The following NEBL variants were observed in gnomAD, a reference collection of about 807,000 sequenced individuals.
NEBL encodes the protein LIM and SH3 protein 2.
In NEBL, 122 loss-of-function variants were observed where a neutral mutation model predicts 140.2. The observed-to-expected ratio is 0.87, with a 90% CI of 0.75 to 1.01. The LOEUF is 1.01. NEBL is among the 50% of genes least tolerant of loss of function. The pLI is 0.00. For synonymous variants in NEBL, 436 were observed against 398.9 expected (o/e 1.09, Z -1.11); for missense variants, 1,365 against 1,231.3 (o/e 1.11, Z -1.62).
At chr10:21,152,369 C>A (rs1840176597) in intron 2 of NEBL, among the ~76,000 whole-genome samples, 1 of 152,202 alleles carries the variant, frequency 6.6e-6, no homozygotes, top group African/African-American at 2.4e-5. Context: ...CTCCCCACCT[C>A]CATTTCCCAA....
chr10:20,907,366 T>C (rs1848136135), intron 4 of NEBL, among the ~76,000 whole-genome samples: 1 of 152,150 alleles, frequency 6.6e-6, no homozygotes, highest in Non-Finnish European at 1.5e-5. Context: ...CAAAATGCTA[T>C]CTTGTTTCAT....
chr10:20,805,233 G>A (rs1837498670), intron 26 of NEBL, among the ~76,000 whole-genome samples: 1 of 152,196 alleles, frequency 6.6e-6, no homozygotes, highest in Admixed American at 6.5e-5. Context: ...GGGGGAAGCA[G>A]AGAGGTGGTA....
chr10:20,889,656 A>G (rs985296057), intron 3 of NEBL, among the ~76,000 whole-genome samples, 189 bp downstream of exon 3: 3 of 152,218 alleles, frequency 2.0e-5, no homozygotes, highest in African/African-American at 7.2e-5. Context: ...TATGAAGCAT[A>G]CATAGTAAAA....
At chr10:21,043,077 T>C (rs1834342269) in intron 2 of NEBL, among the ~76,000 whole-genome samples, 1 of 152,234 alleles carries the variant, frequency 6.6e-6, no homozygotes, top group African/African-American at 2.4e-5. Context: ...AACCTACTTA[T>C]ACAGCTCTTC....
At chr10:20,852,402 A>G in intron 10 of NEBL, 143 bp downstream of exon 10, 1 of 693,248 alleles carries the variant, frequency 1.4e-6, no homozygotes, top group Admixed American at 2.1e-5. Context: ...TGAGATTTTC[A>G]AAAGTAATGT....
chr10:21,106,415 T>C (rs1837719365), intron 2 of NEBL, among the ~76,000 whole-genome samples: 1 of 152,134 alleles, frequency 6.6e-6, no homozygotes, highest in Non-Finnish European at 1.5e-5. Context: ...GCTAGCCAGT[T>C]TTCCCAGCAG....
At chr10:20,959,946 A>G (rs1484349186) in intron 4 of NEBL, among the ~76,000 whole-genome samples, 1 of 152,060 alleles carries the variant, frequency 6.6e-6, no homozygotes, top group Non-Finnish European at 1.5e-5. Context: ...GGTATTTTGC[A>G]TAATTAAGAA....
intron 17 of NEBL, among the ~76,000 whole-genome samples, 196 bp downstream of exon 17, chr10:20,828,334 A>T (rs944667310): frequency 6.6e-6 from 1 of 152,108 alleles, no homozygotes; most frequent in Non-Finnish European, 1.5e-5. Flanking sequence ...TTGAATTTGT[A>T]ATTCCAAAAA....
chr10:21,029,276 C>T (rs1833677044), intron 2 of NEBL: 7 of 1,598,108 alleles, frequency 4.4e-6, no homozygotes, highest in Non-Finnish European at 8.6e-7. Context: ...CTTCCCAAAT[C>T]GCCACCCTAC....
intron 3 of NEBL, among the ~76,000 whole-genome samples, chr10:21,198,916 G>T (rs758422129): frequency 2.0e-5 from 3 of 151,820 alleles, no homozygotes; most frequent in Non-Finnish European, 2.9e-5. Flanking sequence ...CCATCAAACT[G>T]GTACCCAATT....
chr10:21,239,015 C>A (rs1159126340), intron 3 of NEBL, among the ~76,000 whole-genome samples: 1 of 152,120 alleles, frequency 6.6e-6, no homozygotes, highest in East Asian at 1.9e-4. Context: ...GAATGCCAGG[C>A]CTGAAACTCT....
At chr10:20,971,355 CAT>C (rs1232114447) in intron 3 of NEBL, among the ~76,000 whole-genome samples, 2 of 152,044 alleles carry the variant, frequency 1.3e-5, no homozygotes, top group African/African-American at 2.4e-5. Flanking sequence ...CTTCTGAACA[CAT>C]GTTCTCTTAA....
intron 2 of NEBL, among the ~76,000 whole-genome samples, chr10:21,040,252 G>A (rs951770466): frequency 1.3e-5 from 2 of 152,118 alleles, no homozygotes; most frequent in African/African-American, 2.4e-5. Context: ...TGTAATCCCA[G>A]CTACTTGGGA....
rs571419806 is a variant in NEBL at position 20,825,852 on chromosome 10, T to G, written c.1869+595A>C. Among the ~76,000 whole-genome samples the G allele has an allele frequency of 1.9e-4, 29 of 152,270 alleles. No individual in the cohort carries two copies. In the East Asian group the frequency reaches 5.2e-3, roughly 27 times the overall value. On this transcript the variant is annotated intron_variant, in intron 18 of 27. Coordinates refer to ENST00000377122, the MANE Select transcript of NEBL (RefSeq NM_006393.3). ...CCCCTCCCCCCAGTCTAAAGGTTAC[T>G]GGAAGCTAAGTTATTTCACAATTTA...
chr10:20,886,553 A>C (rs1846537655), intron 4 of NEBL, among the ~76,000 whole-genome samples: 1 of 152,144 alleles, frequency 6.6e-6, no homozygotes, highest in Admixed American at 6.5e-5. Flanking sequence ...TGGGGAAAGA[A>C]GTAAACTGCT....
chr10:21,007,898 T>A (rs1339147937), intron 3 of NEBL, among the ~76,000 whole-genome samples: 1 of 152,230 alleles, frequency 6.6e-6, no homozygotes, highest in African/African-American at 2.4e-5. Flanking sequence ...ATTCGCTATT[T>A]CTTAAAACAT....
rs189213209 is a variant in NEBL, at chr10:21,012,281, A to G, written c.249+7836T>C. ...CTCTGTTTCTCTCTCTGGGGCCACA[A>G]GTGTGAAGCAGGATGGCAGAGCATG... On this transcript the variant is annotated intron_variant, in intron 3 of 6. Coordinates refer to the NEBL transcript ENST00000417816. 8.8e-4 allele frequency among the ~76,000 whole-genome samples: 134 copies of G among 152,228 alleles called. 1 individual carries two copies. Among genetic ancestry groups the G allele is most frequent in the Middle Eastern group, 3.4e-3 (1 of 294 alleles).
In NEBL at chr10:20,892,409, T is replaced by C. The variant is rs1156571520; in HGVS notation, c.154-2460A>G. Among the ~76,000 whole-genome samples, 6 of 152,152 alleles carry C rather than the reference T, an allele frequency of 3.9e-5. No homozygotes were observed. The East Asian group carries it at 9.6e-4, about 24-fold the overall frequency. On this transcript the variant is annotated intron_variant, in intron 2 of 27. Transcript: ENST00000377122. ...AGCCACCATACTAATGACGACAGAA[T>C]AGAAGGAAAGGAGCCTGGGAGACTG...
At chr10:21,011,668 CATCTGT>C (rs1463746482) in intron 3 of NEBL, among the ~76,000 whole-genome samples, 1 of 103,244 alleles carries the variant, frequency 9.7e-6, no homozygotes, top group African/African-American at 6.7e-5. Flanking sequence ...GCATCTGTGG[CATCTGT>C]TGGCATCTGT....
Sources: allele counts gnomAD v4.1 joint callset (sites outside exome capture counted in the v4.1 genomes callset), GRCh38; gene constraint gnomAD v4.1.1; transcripts MANE v1.5; gene names NCBI Gene and HGNC (gene_info 2026-07-23, HGNC 2026-07-21).